Variants in ADGRV1 observed in about 807,000 individuals in gnomAD.
The protein encoded by ADGRV1 is adhesion G protein-coupled receptor V1.
ADGRV1 carries 359 observed loss-of-function variants against 596.2 expected under a neutral mutation model. The observed-to-expected ratio is 0.60, with a 90% CI of 0.55 to 0.66. The LOEUF (loss-of-function observed/expected upper bound fraction) is 0.66. Among genes scored for constraint, ADGRV1 ranks in the 30% least tolerant of loss-of-function variants. The pLI is 0.00. For synonymous variants in ADGRV1, 2,681 were observed against 2,679.2 expected (o/e 1.00, Z -0.02); for missense variants, 7,274 against 7,575.6 (o/e 0.96, Z 1.48).
chr5:90,662,017 G>A (rs556662152), intron 21 of ADGRV1, among the ~76,000 whole-genome samples: 2 of 151,930 alleles, frequency 1.3e-5, no homozygotes, highest in African/African-American at 2.4e-5. Context: ...ACAATCTCTG[G>A]CTAGGGGAGA....
In ADGRV1 at chr5:90,776,539, G is replaced by A. The variant is rs1357883094; in HGVS notation, c.12490G>A (p.Glu4164Lys). Reference sequence around the variant, plus strand: ...GTCATCTAGGCACATCCTCATTGGGGAACCCTCAGCAAAATATAATGGTAC... The same window carrying A: ...GTCATCTAGGCACATCCTCATTGGGAAACCCTCAGCAAAATATAATGGTAC... ...APSSRHILIGEPSAKYNGTAI... is the reference protein window; with the variant it reads ...APSSRHILIGKPSAKYNGTAI... The change falls in exon 61 of 90, where the codon GAA (glutamate) becomes AAA (lysine). Residue 4164 changes from glutamate to lysine, a missense_variant. Physicochemically the swap from Glu to Lys is moderately conservative, Grantham distance 56 (BLOSUM62 1). This residue lies in a region of ADGRV1 where 3,643 missense variants were observed against 3,809.2 expected (regional missense o/e 0.96). Coordinates refer to ENST00000405460, the MANE Select transcript of ADGRV1 (RefSeq NM_032119.4). The A allele has an allele frequency of 1.9e-6, 3 of 1,613,230 alleles. No homozygotes were observed. The highest frequency in any genetic ancestry group is 1.3e-5 in the African/African-American group (1 of 74,868).
intron 85 of ADGRV1, among the ~76,000 whole-genome samples, chr5:91,050,830 G>A (rs1189441284): frequency 6.6e-6 from 1 of 152,182 alleles, no homozygotes; most frequent in Non-Finnish European, 1.5e-5. Flanking sequence ...CTGCATTCCA[G>A]CCTGGGTGAT....
chr5:91,077,192 G>C (rs977561947), intron 86 of ADGRV1, among the ~76,000 whole-genome samples: 1 of 152,130 alleles, frequency 6.6e-6, no homozygotes, highest in African/African-American at 2.4e-5. Flanking sequence ...CTATAGAACA[G>C]AAATCAAGCA....
intron 87 of ADGRV1, among the ~76,000 whole-genome samples, chr5:91,146,887 C>T (rs1401027851): frequency 1.3e-5 from 2 of 152,182 alleles, no homozygotes; most frequent in Non-Finnish European, 2.9e-5. Flanking sequence ...TGAAGCTGGG[C>T]ATGGTGGCTT....
At chr5:91,090,887 A>G (rs1484237043) in intron 86 of ADGRV1, among the ~76,000 whole-genome samples, 1 of 152,106 alleles carries the variant, frequency 6.6e-6, no homozygotes, top group African/African-American at 2.4e-5. Flanking sequence ...GGCATGGGAG[A>G]GAGTAGAGTG....
intron 37 of ADGRV1, 72 bp from the exon 38 acceptor site, chr5:90,706,159 A>G: frequency 1.4e-6 from 2 of 1,432,246 alleles, no homozygotes; most frequent in South Asian, 1.5e-5. Flanking sequence ...AGGAAAGGCA[A>G]AAAATTCACA....
At chr5:90,610,667 C>CTTTCCACT (rs1762628213) in intron 1 of ADGRV1, among the ~76,000 whole-genome samples, 1 of 151,968 alleles carries the variant, frequency 6.6e-6, no homozygotes, top group South Asian at 2.1e-4. Context: ...ACAGAGGGGA[C>CTTTCCACT]TTTCCACTTT....
At chr5:90,953,856 T>C (rs1160841008) in intron 83 of ADGRV1, among the ~76,000 whole-genome samples, 1 of 152,060 alleles carries the variant, frequency 6.6e-6, no homozygotes, top group African/African-American at 2.4e-5. Context: ...TTGTAGAAAA[T>C]TTATTTCATT....
chr5:91,102,168 G>A, intron 86 of ADGRV1, 51 bp from the exon 87 acceptor site: 1 of 1,548,842 alleles, frequency 6.5e-7, no homozygotes. Flanking sequence ...GTGTATACAT[G>A]TGACTGTGCA....
chr5:90,917,188 T>C (rs1410365860), intron 83 of ADGRV1, among the ~76,000 whole-genome samples: 2 of 152,294 alleles, frequency 1.3e-5, no homozygotes, highest in East Asian at 3.9e-4. Flanking sequence ...TTTCCTGGAA[T>C]TGGGAATTAT....
intron 83 of ADGRV1, among the ~76,000 whole-genome samples, chr5:90,928,464 C>A (rs890166083): frequency 1.3e-5 from 2 of 150,520 alleles, no homozygotes; most frequent in East Asian, 3.9e-4. Context: ...AGTTCTCGAG[C>A]CTTGGTTTTC....
chr5:90,874,423 T>G (rs961669976), intron 83 of ADGRV1, among the ~76,000 whole-genome samples: 1 of 152,156 alleles, frequency 6.6e-6, no homozygotes, highest in Non-Finnish European at 1.5e-5. Context: ...TATCTAAATT[T>G]TCTTGTTCAT....
chr5:90,915,250 G>T (rs933028292), intron 83 of ADGRV1, among the ~76,000 whole-genome samples: 16 of 152,146 alleles, frequency 1.1e-4, no homozygotes, highest in Non-Finnish European at 1.6e-4. Flanking sequence ...ATTATCGTTT[G>T]TATAGGGCAT....
intron 59 of ADGRV1, among the ~76,000 whole-genome samples, chr5:90,773,918 A>T (rs1757947618): frequency 6.6e-6 from 1 of 152,136 alleles, no homozygotes; most frequent in Non-Finnish European, 1.5e-5. Flanking sequence ...GGCTTTCTTT[A>T]AAGATTGGAT....
chr5:91,013,049 C>T (rs1407552515), intron 85 of ADGRV1, among the ~76,000 whole-genome samples: 1 of 151,892 alleles, frequency 6.6e-6, no homozygotes, highest in Non-Finnish European at 1.5e-5. Context: ...ACAAGAAAAA[C>T]ACATGATCTT....
In ADGRV1 at chr5:91,070,354, C is replaced by T. The variant is rs971801646; in HGVS notation, c.18153-2093C>T. On this transcript the variant is annotated intron_variant, in intron 85 of 89. Coordinates refer to ENST00000405460, the MANE Select transcript of ADGRV1 (RefSeq NM_032119.4). The stretch of plus-strand genomic sequence containing the variant: ...ACTTATATTTTGGATTCCTTCTAAA[C>T]AGGCTATGCGTGATTCCCCCTGAGT... Among the ~76,000 whole-genome samples, 85 of 152,152 alleles carry T rather than the reference C, an allele frequency of 5.6e-4. 2 individuals carry two copies. Among genetic ancestry groups the T allele is most frequent in the Non-Finnish European group, 2.9e-4 (20 of 68,034 alleles).
At position 91,060,378 on chromosome 5, in the gene ADGRV1, G is replaced by GTA. The variant is rs199745758; in HGVS notation, c.18153-12049_18153-12048dup. Among the ~76,000 whole-genome samples, 563 of 77,092 alleles carry GTA rather than the reference G, an allele frequency of 7.3e-3. 2 individuals carry two copies. The highest frequency in any genetic ancestry group is 0.014 in the African/African-American group (331 of 24,338). 50.6% of individuals were successfully genotyped at this position (77,092 alleles called of 152,430 possible). ...GCCTGGCAATTTTATATGTGTGTGT[G>GTA]TATATATATATATATATATATTTTT... is the stretch of plus-strand genomic sequence containing the variant. On this transcript the variant is annotated intron_variant, in intron 85 of 89. Coordinates refer to ENST00000405460, the MANE Select transcript of ADGRV1 (RefSeq NM_032119.4).
At chr5:90,623,332 A>G (rs926450832) in intron 5 of ADGRV1, among the ~76,000 whole-genome samples, 5 of 152,236 alleles carry the variant, frequency 3.3e-5, no homozygotes, top group African/African-American at 9.6e-5. Flanking sequence ...AAATGTTTTC[A>G]AAGACAGGAA....
At chr5:90,589,082 T>G (rs1480151200) in intron 1 of ADGRV1, among the ~76,000 whole-genome samples, 1 of 152,148 alleles carries the variant, frequency 6.6e-6, no homozygotes, top group Non-Finnish European at 1.5e-5. Context: ...GGCAATTGAT[T>G]AGCCTAAATT....
Sources: allele counts gnomAD v4.1 joint callset (sites outside exome capture counted in the v4.1 genomes callset), GRCh38; gene constraint gnomAD v4.1.1; regional missense constraint gnomAD v4.1.1; transcripts MANE v1.5; gene names NCBI Gene and HGNC (gene_info 2026-07-23, HGNC 2026-07-21).